The following CHD7 variants were observed in gnomAD, a reference collection of about 807,000 sequenced individuals.
CHD7 encodes the protein ATP-dependent chromatin remodeler CHD7.
A neutral mutation model predicts 307.3 loss-of-function variants in CHD7; 24 were observed. That is an observed-to-expected ratio of 0.08 (90% CI 0.06 to 0.11). CHD7 has a LOEUF of 0.11. Among genes scored for constraint, CHD7 ranks in the 10% least tolerant of loss-of-function variants. The pLI is 1.00. For synonymous variants in CHD7, 1,363 were observed against 1,349.9 expected (o/e 1.01, Z -0.21); for missense variants, 3,106 against 3,727.1 (o/e 0.83, Z 4.34).
chr8:60,834,674 GTA>G (rs1804665937), intron 15 of CHD7, among the ~76,000 whole-genome samples: 1 of 152,200 alleles, frequency 6.6e-6, no homozygotes, highest in Non-Finnish European at 1.5e-5. Context: ...AGAAGTCAGT[GTA>G]TTTTGTGGAA....
chr8:60,841,362 G>A (rs1456544302), intron 19 of CHD7, among the ~76,000 whole-genome samples: 2 of 152,224 alleles, frequency 1.3e-5, no homozygotes, highest in African/African-American at 2.4e-5. Flanking sequence ...GCAACACCCT[G>A]CCTGAACCAG....
intron 13 of CHD7, 134 bp from the exon 14 acceptor site, chr8:60,828,529 T>A: frequency 1.3e-6 from 1 of 789,686 alleles, no homozygotes. Context: ...TACCTCTGTT[T>A]TCATGCCTGA....
chr8:60,848,316 G>C (rs1805301080), intron 23 of CHD7, among the ~76,000 whole-genome samples, 199 bp from the exon 24 acceptor site: 1 of 152,222 alleles, frequency 6.6e-6, no homozygotes, highest in South Asian at 2.1e-4. Flanking sequence ...CGGTTGCCAG[G>C]CAGGCCTGTT....
rs1586330559 is a variant in CHD7, at chr8:60,789,167, A to G, written c.2097-5819A>G. On this transcript the variant is annotated intron_variant, in intron 3 of 37. Coordinates refer to ENST00000423902, the MANE Select transcript of CHD7 (RefSeq NM_017780.4). ...CTTGGCCTCTACCATCTAGCTGTGT[A>G]TTTTAGTGTGGCAGCTCAGATCATT... is the stretch of plus-strand genomic sequence containing the variant. Among the ~76,000 whole-genome samples, 3 of 152,290 alleles carry G rather than the reference A, an allele frequency of 2.0e-5. No homozygotes were observed. The South Asian group carries it at 6.2e-4, about 32-fold the overall frequency.
chr8:60,839,090 C>A (rs555526175), intron 19 of CHD7, among the ~76,000 whole-genome samples: 41 of 152,330 alleles, frequency 2.7e-4, no homozygotes, highest in Admixed American at 7.2e-4. Flanking sequence ...CCATTCCTAT[C>A]CATACCAGTC....
chr8:60,731,673 C>T (rs1206561509), intron 1 of CHD7, among the ~76,000 whole-genome samples: 1 of 152,144 alleles, frequency 6.6e-6, no homozygotes, highest in African/African-American at 2.4e-5. Context: ...GATTTGAAAC[C>T]AAAATTTAGT....
chr8:60,859,137 C>CT lies in CHD7; in HGVS notation c.7609-1756dup, dbSNP rs34162663. Reference sequence around the variant, plus strand: ...GAAGTTAGAGAATGTATTTTTAAAACTTTTTTTTTTTAACTGTCACATTTT... The same window carrying CT: ...GAAGTTAGAGAATGTATTTTTAAAACTTTTTTTTTTTTAACTGTCACATTTT... On this transcript the variant is annotated intron_variant, in intron 34 of 37. Transcript: ENST00000423902. Among the ~76,000 whole-genome samples, 233 of 148,220 alleles carry CT rather than the reference C, an allele frequency of 1.6e-3. 2 individuals carry two copies. The highest frequency in any genetic ancestry group is 5.1e-3 in the African/African-American group (209 of 40,792).
intron 1 of CHD7, among the ~76,000 whole-genome samples, chr8:60,722,870 A>C (rs1214752021): frequency 6.6e-6 from 1 of 152,216 alleles, no homozygotes; most frequent in African/African-American, 2.4e-5. Flanking sequence ...TTCTCAGATA[A>C]TTTGATATTA....
chr8:60,866,691 T>G lies in CHD7; in HGVS notation c.*758T>G, dbSNP rs567927898. 1.0e-4 allele frequency: 16 copies of G among 152,776 alleles called. No homozygotes were observed. Among genetic ancestry groups the G allele is most frequent in the Non-Finnish European group, 2.2e-4 (15 of 68,040 alleles). The allele number at this position is 152,776 out of a possible 1,614,324, so 9.5% of individuals were successfully genotyped here. The stretch of plus-strand genomic sequence containing the variant: ...ACCTTTTTTAAATTAAAGGACTTTG[T>G]TACTTTAGCCACAAAGCTAAAACAG... On this transcript the variant is annotated 3_prime_UTR_variant, in exon 38 of 38. Coordinates refer to ENST00000423902, the MANE Select transcript of CHD7 (RefSeq NM_017780.4).
chr8:60,692,079 ATGTACTT>A (rs1259693053), intron 1 of CHD7, among the ~76,000 whole-genome samples: 2 of 152,222 alleles, frequency 1.3e-5, no homozygotes, highest in African/African-American at 2.4e-5. Context: ...TATGCAATGA[ATGTACTT>A]TGGAAATACG....
At chr8:60,808,042 G>A (rs891300718) in intron 6 of CHD7, among the ~76,000 whole-genome samples, 175 bp from the exon 7 acceptor site, 6 of 152,382 alleles carry the variant, frequency 3.9e-5, no homozygotes, top group African/African-American at 9.6e-5. Context: ...GGGCCTGAGC[G>A]TGGCAGTCTT....
rs1170403904 is a variant in CHD7 at position 60,853,196 on chromosome 8, C to T, written c.6471C>T (p.Ile2157=). Residue 2157 remains isoleucine, a synonymous_variant, in exon 31 of 38, where the codon ATC becomes ATT. Transcript: ENST00000423902. ...GATTTGTCCAGACTCCTCCAGTCATCTCATCTGCTCATATTCAAGATGAGA... is the reference window on the plus strand; with the variant it reads ...GATTTGTCCAGACTCCTCCAGTCATTTCATCTGCTCATATTCAAGATGAGA... ...AVGFVQTPPV[I]SSAHIQDERV... is the part of the protein sequence containing the mutation. 5.0e-6 allele frequency: 8 copies of T among 1,613,796 alleles called. No homozygotes were observed. The highest frequency in any genetic ancestry group is 6.8e-6 in the Non-Finnish European group (8 of 1,179,868).
intron 2 of CHD7, among the ~76,000 whole-genome samples, chr8:60,753,118 T>C (rs1809718001): frequency 6.6e-6 from 1 of 152,236 alleles, no homozygotes; most frequent in South Asian, 2.1e-4. Flanking sequence ...TCCCTTGGAT[T>C]AAAGGAGATA....
At chr8:60,821,662 A>ATC (rs1352105827) in intron 9 of CHD7, 128 bp from the exon 10 acceptor site, 5 of 663,478 alleles carry the variant, frequency 7.5e-6, no homozygotes, top group Admixed American at 3.5e-5. Flanking sequence ...ACACATACAT[A>ATC]TATATGTATA....
intron 1 of CHD7, among the ~76,000 whole-genome samples, chr8:60,705,527 A>AT (rs1806982839): frequency 6.6e-6 from 1 of 152,256 alleles, no homozygotes; most frequent in Admixed American, 6.5e-5. Flanking sequence ...CATCTAAAAA[A>AT]TGACTCACCC....
intron 15 of CHD7, 77 bp downstream of exon 15, chr8:60,830,654 G>A (rs958784174): frequency 1.3e-6 from 2 of 1,515,148 alleles, no homozygotes; most frequent in Admixed American, 3.6e-5. Flanking sequence ...CCAGACTGGG[G>A]ATTTCATGGT....
At chr8:60,746,499 A>G (rs551355944) in intron 2 of CHD7, among the ~76,000 whole-genome samples, 1 of 152,334 alleles carries the variant, frequency 6.6e-6, no homozygotes, top group South Asian at 2.1e-4. Flanking sequence ...CATTTTATAT[A>G]TGATGGAGTA....
Position 60,832,549 on chromosome 8 carries a change from G to A in CHD7, c.3778+1972G>A, listed in dbSNP as rs1019516227. Among the ~76,000 whole-genome samples, 3 of 152,190 alleles carry A rather than the reference G, an allele frequency of 2.0e-5. No individual in the cohort carries two copies. In the East Asian group the frequency reaches 5.8e-4, roughly 29 times the overall value. On this transcript the variant is annotated intron_variant, in intron 15 of 37. Transcript: ENST00000423902. ...GTGTGCATGCACTGTGCACATACATGTGTTTGCATTTAATAGCTGGTACAA... is the reference window on the plus strand; with the variant it reads ...GTGTGCATGCACTGTGCACATACATATGTTTGCATTTAATAGCTGGTACAA...
chr8:60,759,435 C>T (rs921888454), intron 2 of CHD7, among the ~76,000 whole-genome samples: 23 of 150,654 alleles, frequency 1.5e-4, no homozygotes, highest in African/African-American at 5.1e-4. Flanking sequence ...CCCTCTCTCC[C>T]GCTCTCTGTC....
Sources: allele counts gnomAD v4.1 joint callset (sites outside exome capture counted in the v4.1 genomes callset), GRCh38; gene constraint gnomAD v4.1.1; transcripts MANE v1.5; gene names NCBI Gene and HGNC (gene_info 2026-07-23, HGNC 2026-07-21).